MTMR3: variants seen among roughly 807,000 people sequenced by gnomAD.
MTMR3 encodes phosphatidylinositol-3,5-bisphosphate 3-phosphatase MTMR3.
A neutral mutation model predicts 132.4 loss-of-function variants in MTMR3; 32 were observed. The ratio of observed to expected loss-of-function variants is 0.24; its 90% CI spans 0.18 to 0.32. MTMR3 has a LOEUF of 0.32. MTMR3 is among the 10% of genes least tolerant of loss of function. MTMR3 has a pLI of 1.00. For missense variants in MTMR3, 1,216 were observed against 1,489.6 expected, an observed-to-expected ratio of 0.82 and a Z score of 3.02; for synonymous variants, 556 against 550.3, an observed-to-expected ratio of 1.01 and a Z score of -0.14.
intron 1 of MTMR3, among the ~76,000 whole-genome samples, chr22:29,904,208 C>G (rs73396822): frequency 0.037 from 5,628 of 152,242 alleles, 369 homozygotes; most frequent in African/African-American, 0.13. Context: ...AATACAAATA[C>G]AATTTTAATT....
chr22:29,968,830 T>C (rs188597688), intron 2 of MTMR3, among the ~76,000 whole-genome samples: 217 of 152,390 alleles, frequency 1.4e-3, no homozygotes, highest in Non-Finnish European at 2.7e-3. Context: ...GTTTCAGTTC[T>C]TGAGCTAGGC....
chr22:29,888,868 G>T (rs1278497893), intron 1 of MTMR3, among the ~76,000 whole-genome samples: 1 of 149,698 alleles, frequency 6.7e-6, no homozygotes, highest in African/African-American at 2.5e-5. Context: ...CCGCCTCCTG[G>T]GTTCAAGTGA....
At chr22:29,921,228 G>A (rs964869659) in intron 1 of MTMR3, among the ~76,000 whole-genome samples, 9 of 152,134 alleles carry the variant, frequency 5.9e-5, no homozygotes, top group Admixed American at 2.6e-4. Context: ...GGGAACAGGC[G>A]TGTCATGTGG....
chr22:29,892,849 C>T (rs1016494376), intron 1 of MTMR3, among the ~76,000 whole-genome samples: 4 of 152,148 alleles, frequency 2.6e-5, no homozygotes, highest in Admixed American at 6.5e-5. Flanking sequence ...GCACAAAAGG[C>T]CACATATCTC....
At chr22:29,900,740 G>T (rs1490760738) in intron 1 of MTMR3, among the ~76,000 whole-genome samples, 2 of 152,018 alleles carry the variant, frequency 1.3e-5, no homozygotes, top group African/African-American at 4.8e-5. Context: ...TTTGAGAAAG[G>T]GTCTCACTCT....
chr22:30,017,988 G>T lies in MTMR3; in HGVS notation c.1736G>T (p.Cys579Phe). 6.2e-7 allele frequency: 1 copy of T among 1,613,712 alleles called. No homozygotes were observed. The highest frequency in any genetic ancestry group is 8.5e-7 in the Non-Finnish European group (1 of 1,179,898). The stretch of plus-strand genomic sequence containing the variant: ...CTGTGGAGTGCAGTGTACCTGCCCT[G>T]CCCATCCCCAACCACCCCTGTGGAC... The part of the protein sequence containing the change: ...LMLWSAVYLP[C>F]PSPTTPVDDS... Residue 579 changes from cysteine (C) to phenylalanine (F), a missense_variant, in exon 16 of 20, where the codon TGC becomes TTC. Cys to Phe is a radical substitution (Grantham distance 205). This residue lies in a region of MTMR3 where 852 missense variants were observed against 852.0 expected (regional missense o/e 1.00). Coordinates refer to ENST00000401950, the MANE Select transcript of MTMR3 (RefSeq NM_021090.4).
intron 3 of MTMR3, among the ~76,000 whole-genome samples, chr22:29,974,040 G>T (rs186018787): frequency 8.7e-4 from 133 of 152,292 alleles, no homozygotes; most frequent in Non-Finnish European, 5.0e-4. Context: ...GTATTTTGTA[G>T]ATGACCCCAC....
At position 30,007,108 on chromosome 22, in the gene MTMR3, A is replaced by G. The variant is rs1365035732; in HGVS notation, c.672-6A>G. On this transcript the variant is annotated splice_polypyrimidine_tract_variant and splice_region_variant and intron_variant, in intron 9 of 19. Transcript: ENST00000401950. ...GTACAGTTGTTGTCTCTTGTTCCTC[A>G]CACAGGCACCAGAGCAATGGAGCTG... The G allele has an allele frequency of 9.9e-6, 16 of 1,613,168 alleles. No homozygotes were observed. Among genetic ancestry groups the G allele is most frequent in the Non-Finnish European group, 1.3e-5 (15 of 1,179,868 alleles).
intron 2 of MTMR3, among the ~76,000 whole-genome samples, chr22:29,959,317 G>A (rs2066261566): frequency 1.3e-5 from 2 of 152,098 alleles, no homozygotes; most frequent in African/African-American, 4.8e-5. Flanking sequence ...CATTTAGCCA[G>A]GGGGGTGGGG....
intron 1 of MTMR3, among the ~76,000 whole-genome samples, chr22:29,915,841 CT>C (rs1310010482): frequency 1.3e-5 from 2 of 151,974 alleles, no homozygotes; most frequent in African/African-American, 4.8e-5. Flanking sequence ...CCCGTCTATT[CT>C]TTTCTGTCAT....
At chr22:30,015,944 C>T (rs1184562248) in intron 14 of MTMR3, 2 of 152,946 alleles carry the variant, frequency 1.3e-5, no homozygotes, top group East Asian at 3.9e-4. Context: ...TACCCACATG[C>T]CTGCTCTTTC....
chr22:29,900,580 A>G (rs896386896), intron 1 of MTMR3, among the ~76,000 whole-genome samples: 4 of 152,186 alleles, frequency 2.6e-5, no homozygotes, highest in Non-Finnish European at 4.4e-5. Flanking sequence ...ATTATAATAC[A>G]TGTATTAACT....
intron 1 of MTMR3, among the ~76,000 whole-genome samples, chr22:29,915,320 CCTTTTA>C (rs1328146391): frequency 2.6e-5 from 4 of 152,112 alleles, no homozygotes; most frequent in East Asian, 1.9e-4. Context: ...TTTTTCCCAT[CCTTTTA>C]CTTTTAGTCT....
Position 29,979,027 on chromosome 22 carries a change from T to C in MTMR3, c.185T>C (p.Ile62Thr). 6.2e-7 allele frequency: 1 copy of C among 1,612,070 alleles called. No individual in the cohort carries two copies. The highest frequency in any genetic ancestry group is 8.5e-7 in the Non-Finnish European group (1 of 1,178,200). Residue 62 changes from isoleucine (I) to threonine (T), a missense_variant, in exon 5 of 20, where the codon ATC (isoleucine) becomes ACC (threonine). This residue lies in a region of MTMR3 where 81 missense variants were observed against 87.7 expected (regional missense o/e 0.92). Coordinates refer to ENST00000401950, the MANE Select transcript of MTMR3 (RefSeq NM_021090.4). Reference sequence around the variant, plus strand: ...GCCCTTTCCAATTACAGACTTCACATCAAGTTCAAGGAGTCTCTTGTTAAT... The same window carrying C: ...GCCCTTTCCAATTACAGACTTCACACCAAGTTCAAGGAGTCTCTTGTTAAT... Reference protein sequence around the residue: ...IIALSNYRLHIKFKESLVNVP... With the variant: ...IIALSNYRLHTKFKESLVNVP...
Position 30,019,357 on chromosome 22 carries a change from A to G in MTMR3, c.1821-123A>G, listed in dbSNP as rs577320176. On this transcript the variant is annotated intron_variant, in intron 16 of 19. Transcript: ENST00000401950. ...GTCTGGGCCTCGCTCCAGAGATGCT[A>G]CAGCTCCATGAGTAGCCATAATGGA... The G allele has an allele frequency of 6.7e-6, 6 of 891,182 alleles. No individual in the cohort carries two copies. The African/African-American group carries it at 6.7e-5, about 10-fold the overall frequency. 55.2% of individuals were successfully genotyped at this position (891,182 alleles called of 1,614,324 possible).
rs764625491 is a variant in MTMR3 at position 30,016,619 on chromosome 22, G to T, written c.1595G>T (p.Arg532Leu). 6.2e-7 allele frequency: 1 copy of T among 1,614,172 alleles called. No individual in the cohort carries two copies. The highest frequency in any genetic ancestry group is 8.5e-7 in the Non-Finnish European group (1 of 1,180,024). The change falls in exon 15 of 20, where the codon CGG becomes CTG. Residue 532 changes from arginine to leucine, a missense_variant. By Grantham distance (102) the Arg-to-Leu change is moderately radical. Transcript: ENST00000401950. Reference protein sequence around the residue: ...KERGEKHTQERTCSVWSLLRA... With the variant: ...KERGEKHTQELTCSVWSLLRA... Reference sequence around the variant, plus strand: ...AGAGGGGAAAAGCATACTCAGGAACGGACATGTTCCGTGTGGTCACTTCTT... The same window carrying T: ...AGAGGGGAAAAGCATACTCAGGAACTGACATGTTCCGTGTGGTCACTTCTT...
chr22:29,979,125 G>C, intron 5 of MTMR3, 73 bp downstream of exon 5: 1 of 966,604 alleles, frequency 1.0e-6, no homozygotes, highest in Non-Finnish European at 1.7e-6. Flanking sequence ...TGCTCTCAAA[G>C]AGAGGAGAGG....
Position 29,966,555 on chromosome 22 carries a change from T to C in MTMR3, c.-84-4421T>C, listed in dbSNP as rs1483415596. Among the ~76,000 whole-genome samples, 6 of 152,192 alleles carry C rather than the reference T, an allele frequency of 3.9e-5. No individual in the cohort carries two copies. In the East Asian group the frequency reaches 1.2e-3, roughly 29 times the overall value. On this transcript the variant is annotated intron_variant, in intron 2 of 19. Coordinates refer to ENST00000401950, the MANE Select transcript of MTMR3 (RefSeq NM_021090.4). ...TGTAAAATAGTATTATCAAATTCTT[T>C]TCTTTGTATATTAGGTAGAATTCTT...
intron 1 of MTMR3, among the ~76,000 whole-genome samples, chr22:29,887,928 T>C (rs1427921227): frequency 6.6e-6 from 1 of 152,220 alleles, no homozygotes; most frequent in African/African-American, 2.4e-5. Flanking sequence ...ATATTCAGAA[T>C]GATTCTGTTA....
Sources: gnomAD v4.1 joint callset for allele counts (sites outside exome capture counted in the v4.1 genomes callset) on GRCh38, gnomAD v4.1.1 for gene constraint, gnomAD v4.1.1 regional missense constraint, MANE v1.5 for transcripts, NCBI Gene and HGNC (gene_info 2026-07-23, HGNC 2026-07-21) for gene names.